The following SRRM2 variants were observed in gnomAD, a reference collection of about 807,000 sequenced individuals.
The protein encoded by SRRM2 is serine/arginine repetitive matrix 2.
A neutral mutation model predicts 213.8 loss-of-function variants in SRRM2; 30 were observed. The ratio of observed to expected loss-of-function variants is 0.14; its 90% CI spans 0.10 to 0.19. The LOEUF is 0.19. SRRM2 is among the 10% of genes least tolerant of loss of function. SRRM2 has a pLI of 1.00. For missense variants in SRRM2, 4,904 were observed against 3,647.0 expected, an observed-to-expected ratio of 1.34 and a Z score of -8.88; for synonymous variants, 2,025 against 1,377.7, an observed-to-expected ratio of 1.47 and a Z score of -10.40.
At chr16:2,754,566 A>T (rs1208106490) in intron 1 of SRRM2, among the ~76,000 whole-genome samples, 7 of 152,152 alleles carry the variant, frequency 4.6e-5, no homozygotes, top group Middle Eastern at 3.2e-3. Context: ...CAGGTGTTAC[A>T]GGCGTGAGCC....
In SRRM2 at chr16:2,765,492, C is replaced by G. The variant is rs1343222272; in HGVS notation, c.4964C>G (p.Thr1655Ser). The G allele has an allele frequency of 6.2e-7, 1 of 1,614,180 alleles. No homozygotes were observed. Among genetic ancestry groups the G allele is most frequent in the South Asian group, 1.1e-5 (1 of 91,076 alleles). Residue 1655 changes from threonine (T) to serine (S), a missense_variant, in exon 11 of 15, where the codon ACC becomes AGC. Thr to Ser is a moderately conservative substitution (Grantham distance 58, BLOSUM62 1). Coordinates refer to ENST00000301740, the MANE Select transcript of SRRM2 (RefSeq NM_016333.4). Reference protein sequence around the residue: ...RGPSPEGSSSTESSPEHPPKS... With the variant: ...RGPSPEGSSSSESSPEHPPKS... The stretch of plus-strand genomic sequence containing the variant: ...CCTTCTCCTGAAGGAAGCAGCAGTA[C>G]CGAGTCCTCTCCTGAACATCCGCCC...
Position 2,757,493 on chromosome 16 carries a change from G to A in SRRM2, c.264G>A (p.Gln88=). The change falls in exon 3 of 15, where the codon CAG becomes CAA. Residue 88 remains glutamine (Q), a synonymous_variant. Transcript: ENST00000301740. The stretch of plus-strand genomic sequence containing the variant: ...TCAGGTACGAGGAACAGCAAATTCA[G>A]GAAAAAGTGGCGACCTTTCGACTCA... The part of the protein sequence containing the change: ...EEQGYEEQQI[Q]EKVATFRLML... The A allele has an allele frequency of 3.7e-6, 6 of 1,614,074 alleles. No individual in the cohort carries two copies. The highest frequency in any genetic ancestry group is 5.1e-6 in the Non-Finnish European group (6 of 1,179,998).
intron 4 of SRRM2, 85 bp from the exon 5 acceptor site, chr16:2,758,365 TTATTTTTTTATTTTTATTAC>T (rs2068221515): frequency 9.1e-7 from 1 of 1,101,354 alleles, no homozygotes; most frequent in African/African-American, 1.6e-5. Flanking sequence ...AGCGAGACTC[TTATTTTTTTATTTTTATTAC>T]TATTTTTTTA....
In SRRM2 at chr16:2,763,399, C is replaced by T; in HGVS notation, c.2871C>T (p.Ser957=). The T allele has an allele frequency of 6.2e-7, 1 of 1,614,232 alleles. No individual in the cohort carries two copies. The highest frequency in any genetic ancestry group is 1.1e-5 in the South Asian group (1 of 91,086). The change falls in exon 11 of 15, where the codon TCC becomes TCT. Residue 957 remains serine, a synonymous_variant. Coordinates refer to ENST00000301740, the MANE Select transcript of SRRM2 (RefSeq NM_016333.4). ...GAAGCAGATCAGTATCTCCCTGCTC[C>T]AATGTGGAATCCAGATTGTTGCCAA... is the stretch of plus-strand genomic sequence containing the variant. ...PRRSRSVSPC[S]NVESRLLPRY... is the part of the protein sequence containing the mutation.
chr16:2,754,899 A>T (rs576486993), intron 1 of SRRM2, among the ~76,000 whole-genome samples: 4 of 152,160 alleles, frequency 2.6e-5, no homozygotes, highest in Non-Finnish European at 5.9e-5. Context: ...TGCTTTCAAT[A>T]TTGGGTCTGC....
At chr16:2,768,352 T>G in intron 11 of SRRM2, 91 bp downstream of exon 11, 2 of 1,427,024 alleles carry the variant, frequency 1.4e-6, no homozygotes, top group South Asian at 2.8e-5. Flanking sequence ...TCACAGGTGC[T>G]TGGCTCTTGG....
Position 2,762,010 on chromosome 16 carries a change from A to C in SRRM2, c.1482A>C (p.Arg494=). 1.2e-6 allele frequency: 2 copies of C among 1,614,202 alleles called. No homozygotes were observed. Among genetic ancestry groups the C allele is most frequent in the Non-Finnish European group, 8.5e-7 (1 of 1,180,034 alleles). ...GCCCTGCCACCGCTAAGAGAGGGCG[A>C]TCTCGGTCTCGAACCCCTACCAAGA... ...SRSPATAKRG[R]SRSRTPTKRG... Residue 494 remains arginine, a synonymous_variant, in exon 11 of 15, where the codon CGA becomes CGC. Transcript: ENST00000301740.
Position 2,766,604 on chromosome 16 carries a change from A to G in SRRM2, c.6076A>G (p.Ile2026Val), listed in dbSNP as rs779462400. 3.0e-5 allele frequency: 49 copies of G among 1,613,238 alleles called. No homozygotes were observed. The highest frequency in any genetic ancestry group is 3.6e-5 in the Non-Finnish European group (42 of 1,179,728). ...RRSRSRTPPA[I>V]RRRSRSRTPL... ...CTCTAGGTCCCGGACACCTCCAGCTATTCGGCGCCGCTCTAGATCTCGAAC... is the reference window on the plus strand; with the variant it reads ...CTCTAGGTCCCGGACACCTCCAGCTGTTCGGCGCCGCTCTAGATCTCGAAC... The change falls in exon 11 of 15, where the codon ATT becomes GTT. Residue 2026 changes from isoleucine to valine, a missense_variant. Ile to Val is a conservative substitution (Grantham distance 29). Transcript: ENST00000301740. The surrounding 1 kb of genome is among the most constrained non-coding windows in gnomAD (Gnocchi z 7.0).
At position 2,765,813 on chromosome 16, in the gene SRRM2, C is replaced by G; in HGVS notation, c.5285C>G (p.Ser1762Cys). 2 of 1,614,128 alleles carry G rather than the reference C, an allele frequency of 1.2e-6. No individual in the cohort carries two copies. Among genetic ancestry groups the G allele is most frequent in the South Asian group, 1.1e-5 (1 of 91,086 alleles). The change falls in exon 11 of 15, where the codon TCT (serine) becomes TGT (cysteine). Residue 1762 changes from serine to cysteine, a missense_variant. Transcript: ENST00000301740. ...AAGACAACCTCAAGGAGAGGCCGCTCTCCTTCGCCAAAGCCTCGTGGACTC... is the reference window on the plus strand; with the variant it reads ...AAGACAACCTCAAGGAGAGGCCGCTGTCCTTCGCCAAAGCCTCGTGGACTC... ...RTKTTSRRGR[S>C]PSPKPRGLQR...
At position 2,769,153 on chromosome 16, in the gene SRRM2, C is replaced by G; in HGVS notation, c.7890C>G (p.Ser2630=). The G allele has an allele frequency of 5.0e-6, 8 of 1,611,602 alleles. No individual in the cohort carries two copies. Among genetic ancestry groups the G allele is most frequent in the Non-Finnish European group, 5.9e-6 (7 of 1,177,920 alleles). ...SSSSSSSSSS[S]SSSSSSSSSS... is the part of the protein sequence containing the mutation. ...CCTCCTCCTCCTCTTCTTCCTCCTC[C>G]TCTTCCTCTTCTTCTTCTTCCTCCT... The change falls in exon 12 of 15, where the codon TCC becomes TCG. Residue 2630 remains serine (S), a synonymous_variant. Coordinates refer to ENST00000301740, the MANE Select transcript of SRRM2 (RefSeq NM_016333.4).
At chr16:2,755,164 G>C (rs919817887) in intron 1 of SRRM2, among the ~76,000 whole-genome samples, 1 of 152,240 alleles carries the variant, frequency 6.6e-6, no homozygotes, top group African/African-American at 2.4e-5. Context: ...TATGTAATAG[G>C]AGAAAGGAAT....
rs1197645565 is a variant in SRRM2 at position 2,756,319 on chromosome 16, C to T, written c.-31-15C>T. On this transcript the variant is annotated splice_polypyrimidine_tract_variant and intron_variant, in intron 1 of 14. Coordinates refer to ENST00000301740, the MANE Select transcript of SRRM2 (RefSeq NM_016333.4). ...GGGCCAGGGGCCTGACCCGTGTCTC[C>T]CCGCTCCCCCTCAGGAGCGGTGGTG... The T allele has an allele frequency of 6.5e-7, 1 of 1,535,586 alleles. No individual in the cohort carries two copies. Among genetic ancestry groups the T allele is most frequent in the East Asian group, 2.3e-5 (1 of 42,590 alleles).
Position 2,765,308 on chromosome 16 carries a change from C to A in SRRM2, c.4780C>A (p.Arg1594=). Residue 1594 remains arginine (R), a synonymous_variant, in exon 11 of 15, where the codon CGG becomes AGG. Coordinates refer to ENST00000301740, the MANE Select transcript of SRRM2 (RefSeq NM_016333.4). The stretch of plus-strand genomic sequence containing the variant: ...TGACAGCAAATCTCGACTATCCCCT[C>A]GGCGCAGTAGGTCTGGTTCCTCCCC... The part of the protein sequence containing the change: ...EVDSKSRLSP[R]RSRSGSSPEV... The A allele has an allele frequency of 1.2e-6, 2 of 1,614,102 alleles. No homozygotes were observed. The highest frequency in any genetic ancestry group is 1.6e-4 in the Middle Eastern group (1 of 6,062).
At chr16:2,761,288 T>G (rs148749366) in intron 10 of SRRM2, among the ~76,000 whole-genome samples, 3 of 152,190 alleles carry the variant, frequency 2.0e-5, no homozygotes, top group Non-Finnish European at 4.4e-5. Flanking sequence ...TCCATTCTTA[T>G]AACATTTTGT....
In SRRM2 at chr16:2,767,436, C is replaced by T; in HGVS notation, c.6908C>T (p.Pro2303Leu). ...PAVNLAGARTPAALAALSLTG... is the reference protein window; with the variant it reads ...PAVNLAGARTLAALAALSLTG... ...GTGAACCTAGCAGGGGCCAGAACCC[C>T]AGCTGCCTTGGCAGCTCTGAGTCTC... Residue 2303 changes from proline (P) to leucine (L), a missense_variant, in exon 11 of 15, where the codon CCA becomes CTA. By Grantham distance (98) the Pro-to-Leu change is moderately conservative. Transcript: ENST00000301740. The T allele has an allele frequency of 6.2e-7, 1 of 1,614,128 alleles. No homozygotes were observed. The highest frequency in any genetic ancestry group is 8.5e-7 in the Non-Finnish European group (1 of 1,180,016).
In SRRM2 at chr16:2,764,342, C is replaced by T. The variant is rs2068465396; in HGVS notation, c.3814C>T (p.Pro1272Ser). 8.7e-6 allele frequency: 14 copies of T among 1,614,044 alleles called. No individual in the cohort carries two copies. The highest frequency in any genetic ancestry group is 1.3e-5 in the African/African-American group (1 of 74,932). ...GTCCACAAGTAACTTTGAATCATCT[C>T]CTGAAGTAGAAGAAAGGCCTGCTGT... Reference protein sequence around the residue: ...EMSTSNFESSPEVEERPAVSL... With the variant: ...EMSTSNFESSSEVEERPAVSL... The change falls in exon 11 of 15, where the codon CCT becomes TCT. Residue 1272 changes from proline to serine, a missense_variant. Pro to Ser is a moderately conservative substitution (Grantham distance 74). Transcript: ENST00000301740.
At chr16:2,760,645 C>T (rs2068310626) in intron 10 of SRRM2, 146 bp downstream of exon 10, 10 of 852,310 alleles carry the variant, frequency 1.2e-5, no homozygotes, top group South Asian at 1.8e-5. Flanking sequence ...TCTCTTACTG[C>T]ATCTGCAGAA....
In SRRM2 at chr16:2,766,249, TCGA is replaced by T; in HGVS notation, c.5725_5727del (p.Arg1910del). ...GGTCAAGGTCCAGGACTTCAGTGAC[TCGA>T]CGAAGATCCCGGTCAAGAGCATCCC... On this transcript the variant is annotated inframe_deletion, in exon 11 of 15. Coordinates refer to ENST00000301740, the MANE Select transcript of SRRM2 (RefSeq NM_016333.4). This position sits in a 1 kb window ranked among gnomAD's most constrained non-coding sequence, Gnocchi z 7.0. The T allele has an allele frequency of 1.2e-6, 2 of 1,614,118 alleles. No individual in the cohort carries two copies. Among genetic ancestry groups the T allele is most frequent in the Non-Finnish European group, 1.7e-6 (2 of 1,180,026 alleles).
In SRRM2 at chr16:2,764,597, G is replaced by C; in HGVS notation, c.4069G>C (p.Gly1357Arg). 1 of 1,614,200 alleles carries C rather than the reference G, an allele frequency of 6.2e-7. No homozygotes were observed. The highest frequency in any genetic ancestry group is 8.5e-7 in the Non-Finnish European group (1 of 1,180,040). The part of the protein sequence containing the change: ...FSSEVKEDLN[G>R]PFLNQLETDP... The stretch of plus-strand genomic sequence containing the variant: ...TTCTGAGGTTAAAGAAGATTTGAAT[G>C]GACCGTTTCTTAATCAGCTGGAAAC... The change falls in exon 11 of 15, where the codon GGA becomes CGA. Residue 1357 changes from glycine to arginine, a missense_variant. Coordinates refer to ENST00000301740, the MANE Select transcript of SRRM2 (RefSeq NM_016333.4).
Sources: allele counts gnomAD v4.1 joint callset (sites outside exome capture counted in the v4.1 genomes callset), GRCh38; gene constraint gnomAD v4.1.1; non-coding constraint Gnocchi (gnomAD v3.1); transcripts MANE v1.5; gene names NCBI Gene and HGNC (gene_info 2026-07-23, HGNC 2026-07-21).